The following FAM135B variants were observed in gnomAD, a reference collection of about 807,000 sequenced individuals.
FAM135B encodes the protein family with sequence similarity 135 member B.
A neutral mutation model predicts 127.7 loss-of-function variants in FAM135B; 43 were observed. That is an observed-to-expected ratio of 0.34 (90% CI 0.26 to 0.43). The LOEUF (loss-of-function observed/expected upper bound fraction) is 0.43. Ranked by LOEUF, FAM135B falls within the 20% of genes least tolerant of loss-of-function variation. FAM135B has a pLI of 1.00. For synonymous variants in FAM135B, 670 were observed against 665.1 expected, an observed-to-expected ratio of 1.01 and a Z score of -0.11; for missense variants, 1,558 against 1,725.6, an observed-to-expected ratio of 0.90 and a Z score of 1.72.
At chr8:138,474,393 G>A (rs927683303) in intron 1 of FAM135B, among the ~76,000 whole-genome samples, 1 of 152,150 alleles carries the variant, frequency 6.6e-6, no homozygotes, top group Non-Finnish European at 1.5e-5. Flanking sequence ...TGTTTGTAAG[G>A]AACAAGTGAG....
chr8:138,375,941 G>C (rs561591374), intron 1 of FAM135B, among the ~76,000 whole-genome samples: 1 of 152,088 alleles, frequency 6.6e-6, no homozygotes, highest in Non-Finnish European at 1.5e-5. Context: ...TCACTTACCC[G>C]GTTGTCTGGG....
At position 138,152,290 on chromosome 8, in the gene FAM135B, C is replaced by T. The variant is rs2130763782; in HGVS notation, c.2185G>A (p.Glu729Lys). 6.2e-7 allele frequency: 1 copy of T among 1,614,096 alleles called. No homozygotes were observed. The highest frequency in any genetic ancestry group is 8.5e-7 in the Non-Finnish European group (1 of 1,180,014). The change falls in exon 13 of 20, where the codon GAG (glutamate) becomes AAG (lysine). Residue 729 changes from glutamate to lysine, a missense_variant. Glu to Lys is a moderately conservative substitution (Grantham distance 56). Around this residue, in one of 5 missense-constraint regions of FAM135B, gnomAD observed 923 missense variants for 865.3 expected, o/e 1.07. Coordinates refer to ENST00000395297, the MANE Select transcript of FAM135B (RefSeq NM_015912.4). ...GTGTTACTTTCTGTGTGTCCACCCT[C>T]TAGGGAGTTCCGGTGGAGGGCATGT... ...RRHALHRNSL[E>K]GGHTESNTSL...
chr8:138,476,214 T>C (rs1587543408), intron 1 of FAM135B, among the ~76,000 whole-genome samples: 1 of 152,226 alleles, frequency 6.6e-6, no homozygotes, highest in Middle Eastern at 3.4e-3. Flanking sequence ...CTGGGGGGAT[T>C]GAAAAATGAA....
At chr8:138,456,109 A>G (rs1049102434) in intron 1 of FAM135B, among the ~76,000 whole-genome samples, 21 of 152,226 alleles carry the variant, frequency 1.4e-4, no homozygotes, top group African/African-American at 4.8e-4. Flanking sequence ...CAAGTCACCA[A>G]CATATCACTG....
chr8:138,338,425 C>G lies in FAM135B; in HGVS notation c.78-27505G>C, dbSNP rs1396813747. ...AACAAATTTACAAGAAAAAAACAAA[C>G]AACCCCATCAAAAAGTGGGCAAAGG... On this transcript the variant is annotated intron_variant, in intron 2 of 19. Transcript: ENST00000395297. Among the ~76,000 whole-genome samples the G allele has an allele frequency of 2.7e-5, 4 of 148,566 alleles. No homozygotes were observed. The East Asian group carries it at 8.2e-4, about 30-fold the overall frequency.
intron 11 of FAM135B, among the ~76,000 whole-genome samples, chr8:138,175,748 C>A (rs1230352353): frequency 6.6e-6 from 1 of 151,996 alleles, no homozygotes. Context: ...TTTCTATGTT[C>A]TTATCTTGCT....
chr8:138,381,405 AC>A (rs111417801), intron 1 of FAM135B, among the ~76,000 whole-genome samples: 2,222 of 152,248 alleles, frequency 0.015, 53 homozygotes, highest in African/African-American at 0.05. Context: ...CCCTCCCCGA[AC>A]AGCCATGCCA....
intron 1 of FAM135B, among the ~76,000 whole-genome samples, chr8:138,396,644 C>G (rs959527877): frequency 6.6e-6 from 1 of 152,174 alleles, no homozygotes; most frequent in Non-Finnish European, 1.5e-5. Flanking sequence ...GGAAAGACAT[C>G]TGGCCAATAG....
chr8:138,389,602 G>T (rs1832423932), intron 1 of FAM135B, among the ~76,000 whole-genome samples: 1 of 152,172 alleles, frequency 6.6e-6, no homozygotes, highest in Non-Finnish European at 1.5e-5. Flanking sequence ...ATTCATAATA[G>T]ATATCCTGAC....
chr8:138,194,214 A>T (rs1407288167), intron 9 of FAM135B, among the ~76,000 whole-genome samples: 1 of 151,970 alleles, frequency 6.6e-6, no homozygotes, highest in African/African-American at 2.4e-5. Context: ...TTATCGCTAC[A>T]AGCCAAGTCC....
At chr8:138,342,616 T>G (rs549194079) in intron 2 of FAM135B, among the ~76,000 whole-genome samples, 1 of 152,274 alleles carries the variant, frequency 6.6e-6, no homozygotes, top group East Asian at 1.9e-4. Flanking sequence ...TGACACTCAG[T>G]AGAAACTTCA....
chr8:138,287,172 T>C (rs1166346996), intron 3 of FAM135B, among the ~76,000 whole-genome samples: 1 of 152,058 alleles, frequency 6.6e-6, no homozygotes, highest in Non-Finnish European at 1.5e-5. Context: ...TCATCAAAGA[T>C]GTGGTTGGCA....
At chr8:138,388,433 C>T (rs140876614) in intron 1 of FAM135B, among the ~76,000 whole-genome samples, 2,166 of 152,268 alleles carry the variant, frequency 0.014, 25 homozygotes, top group Non-Finnish European at 0.024. Context: ...TACACAAAAA[C>T]CTGCAAATAG....
intron 10 of FAM135B, among the ~76,000 whole-genome samples, 159 bp downstream of exon 10, chr8:138,178,376 C>T (rs1353404541): frequency 6.6e-6 from 1 of 152,134 alleles, no homozygotes; most frequent in Admixed American, 6.5e-5. Flanking sequence ...GCCTGAGAGG[C>T]TAAGGAAGTT....
intron 6 of FAM135B, among the ~76,000 whole-genome samples, chr8:138,247,688 G>A (rs980140526): frequency 4.6e-5 from 7 of 152,066 alleles, no homozygotes; most frequent in African/African-American, 7.2e-5. Context: ...TCACCAAACC[G>A]GCCTCCAATC....
chr8:138,419,721 G>A (rs907393549), intron 1 of FAM135B, among the ~76,000 whole-genome samples: 2 of 152,052 alleles, frequency 1.3e-5, no homozygotes, highest in Non-Finnish European at 2.9e-5. Flanking sequence ...GCAATTACAT[G>A]GAAATCAAAC....
Position 138,338,116 on chromosome 8 carries a change from T to G in FAM135B, c.78-27196A>C, listed in dbSNP as rs554679171. On this transcript the variant is annotated intron_variant, in intron 2 of 19. Coordinates refer to ENST00000395297, the MANE Select transcript of FAM135B (RefSeq NM_015912.4). ...CTTATACAAAAATTAATTCAAGATG[T>G]ATTAAAGACTTAAATGTTAGACCTG... Among the ~76,000 whole-genome samples, 301 of 152,254 alleles carry G rather than the reference T, an allele frequency of 2.0e-3. 1 individual carries two copies. Among genetic ancestry groups the G allele is most frequent in the Non-Finnish European group, 2.8e-3 (191 of 68,008 alleles).
At chr8:138,496,230 C>T (rs998661615) in intron 1 of FAM135B, among the ~76,000 whole-genome samples, 1 of 152,168 alleles carries the variant, frequency 6.6e-6, no homozygotes, top group African/African-American at 2.4e-5. Flanking sequence ...ACACCCCTGT[C>T]CCCAGCCAAG....
chr8:138,394,268 C>A (rs1183716639), intron 1 of FAM135B, among the ~76,000 whole-genome samples: 2 of 152,144 alleles, frequency 1.3e-5, no homozygotes, highest in Non-Finnish European at 2.9e-5. Flanking sequence ...GCCACCAGCT[C>A]CTGAGCTGAG....
Sources: gnomAD v4.1 joint callset for allele counts (sites outside exome capture counted in the v4.1 genomes callset) on GRCh38, gnomAD v4.1.1 for gene constraint, gnomAD v4.1.1 regional missense constraint, MANE v1.5 for transcripts, NCBI Gene and HGNC (gene_info 2026-07-23, HGNC 2026-07-21) for gene names.